LEMD3: variants seen among roughly 807,000 people sequenced by gnomAD.
LEMD3 encodes LEM domain containing 3.
Under a neutral mutation model 95.2 loss-of-function variants are expected in LEMD3, and 33 were observed. The ratio of observed to expected loss-of-function variants is 0.35; its 90% CI spans 0.26 to 0.46. LEMD3 has a LOEUF of 0.46. LEMD3 is among the 20% of genes least tolerant of loss of function. The pLI is 1.00. For missense variants in LEMD3, 1,210 were observed against 1,192.8 expected (o/e 1.01, Z -0.21); for synonymous variants, 525 against 474.6 (o/e 1.11, Z -1.38).
At position 65,243,470 on chromosome 12, in the gene LEMD3, G is replaced by C; in HGVS notation, c.2387+1G>C. 6.5e-7 allele frequency: 1 copy of C among 1,545,668 alleles called. No homozygotes were observed. Reference sequence around the variant, plus strand: ...TTCGGAATATGTTTGATCCCGTTATGTAAGTATTATGATCAGGGGTACATG... The same window carrying C: ...TTCGGAATATGTTTGATCCCGTTATCTAAGTATTATGATCAGGGGTACATG... On this transcript the variant is annotated splice_donor_variant, in intron 10 of 12. Coordinates refer to ENST00000308330, the MANE Select transcript of LEMD3 (RefSeq NM_014319.5). LOFTEE classifies it high-confidence loss of function.
chr12:65,188,827 A>T (rs761845074), intron 1 of LEMD3, among the ~76,000 whole-genome samples: 21 of 152,140 alleles, frequency 1.4e-4, no homozygotes, highest in Non-Finnish European at 2.4e-4. Context: ...CTCTAATTGC[A>T]GTGAGACCAT....
rs1868436421 is a variant in LEMD3 at position 65,169,601 on chromosome 12, C to T, written c.5C>T (p.Ala2Val). ...GTAAAACACCCTGGAGAGAAAATGG[C>T]GGCGGCAGCAGCTTCGGCGCCTCAG... MAAAAASAPQQL... is the reference protein window; with the variant it reads MVAAAASAPQQL... Residue 2 changes from alanine (A) to valine (V), a missense_variant, in exon 1 of 13, where the codon GCG becomes GTG. By Grantham distance (64) the Ala-to-Val change is moderately conservative. This residue lies in a region of LEMD3 where 749 missense variants were observed against 622.9 expected (regional missense o/e 1.20). Coordinates refer to ENST00000308330, the MANE Select transcript of LEMD3 (RefSeq NM_014319.5). 6.3e-7 allele frequency: 1 copy of T among 1,587,530 alleles called. No individual in the cohort carries two copies. Among genetic ancestry groups the T allele is most frequent in the Non-Finnish European group, 8.6e-7 (1 of 1,168,962 alleles).
rs545885129 is a variant in LEMD3 at position 65,222,798 on chromosome 12, A to G, written c.1695+4179A>G. Among the ~76,000 whole-genome samples, 26 of 151,202 alleles carry G rather than the reference A, an allele frequency of 1.7e-4. No individual in the cohort carries two copies. The South Asian group carries it at 4.8e-3, about 28-fold the overall frequency. On this transcript the variant is annotated intron_variant, in intron 4 of 12. Coordinates refer to ENST00000308330, the MANE Select transcript of LEMD3 (RefSeq NM_014319.5). ...TTACCACTGTAAACCTCTCTCTTGTATTGCTTTTACTGCTTCTCATAAATT... is the reference window on the plus strand; with the variant it reads ...TTACCACTGTAAACCTCTCTCTTGTGTTGCTTTTACTGCTTCTCATAAATT...
intron 3 of LEMD3, among the ~76,000 whole-genome samples, chr12:65,217,539 T>C (rs1870146893): frequency 1.3e-5 from 2 of 152,234 alleles, no homozygotes; most frequent in Non-Finnish European, 2.9e-5. Flanking sequence ...GCAAGGATTT[T>C]ACTTTAATTA....
At chr12:65,232,354 GAATA>G (rs1225633823) in intron 4 of LEMD3, among the ~76,000 whole-genome samples, 2 of 152,026 alleles carry the variant, frequency 1.3e-5, no homozygotes, top group Non-Finnish European at 2.9e-5. Flanking sequence ...TTAGATTGAG[GAATA>G]AATAAACCAA....
In LEMD3 at chr12:65,217,715, A is replaced by C. The variant is rs17824413; in HGVS notation, c.1628-837A>C. Among the ~76,000 whole-genome samples, 138 of 152,340 alleles carry C rather than the reference A, an allele frequency of 9.1e-4. No individual in the cohort carries two copies. In the East Asian group the frequency reaches 0.02, roughly 22 times the overall value. On this transcript the variant is annotated intron_variant, in intron 3 of 12. Coordinates refer to ENST00000308330, the MANE Select transcript of LEMD3 (RefSeq NM_014319.5). Reference sequence around the variant, plus strand: ...TATCAACAATTAAAAGAAAAGATAAATGTAGTTTTCCAAAGATTTATATGA... The same window carrying C: ...TATCAACAATTAAAAGAAAAGATAACTGTAGTTTTCCAAAGATTTATATGA...
chr12:65,230,448 GT>G lies in LEMD3; in HGVS notation c.1696-8045del, dbSNP rs555292147. Among the ~76,000 whole-genome samples the G allele has an allele frequency of 3.5e-3, 523 of 150,458 alleles. 2 individuals are homozygous for G. The highest frequency in any genetic ancestry group is 0.011 in the African/African-American group (469 of 41,044). On this transcript the variant is annotated intron_variant, in intron 4 of 12. Transcript: ENST00000308330. ...GGATGTCTTTTTATGGTGTTTTATG[GT>G]TTTTTTTTAGATATCTTTTACCTTC...
At chr12:65,183,316 G>C (rs1868961992) in intron 1 of LEMD3, among the ~76,000 whole-genome samples, 1 of 152,018 alleles carries the variant, frequency 6.6e-6, no homozygotes, top group Non-Finnish European at 1.5e-5. Context: ...TGCATTCATG[G>C]TGTATCTCAA....
chr12:65,239,458 G>C (rs1231082829), intron 6 of LEMD3, among the ~76,000 whole-genome samples: 1 of 152,132 alleles, frequency 6.6e-6, no homozygotes, highest in Non-Finnish European at 1.5e-5. Context: ...TGAGGTAGGA[G>C]GATTTCTTGA....
At chr12:65,191,113 A>G (rs1261303444) in intron 1 of LEMD3, among the ~76,000 whole-genome samples, 1 of 152,012 alleles carries the variant, frequency 6.6e-6, no homozygotes, top group East Asian at 1.9e-4. Flanking sequence ...TTTCTTTAAT[A>G]GTGTTGTGGA....
intron 1 of LEMD3, among the ~76,000 whole-genome samples, chr12:65,194,092 G>T (rs1468796515): frequency 6.6e-6 from 1 of 152,012 alleles, no homozygotes; most frequent in Admixed American, 6.6e-5. Context: ...AAACATTTTG[G>T]GTTAGTTCCA....
At chr12:65,175,581 T>G (rs1197500410) in intron 1 of LEMD3, among the ~76,000 whole-genome samples, 1 of 152,202 alleles carries the variant, frequency 6.6e-6, no homozygotes, top group African/African-American at 2.4e-5. Context: ...ACTTTCTCCT[T>G]TCTAAGCTTC....
At chr12:65,244,057 A>C (rs1245053959) in intron 10 of LEMD3, among the ~76,000 whole-genome samples, 1 of 152,192 alleles carries the variant, frequency 6.6e-6, no homozygotes, top group Non-Finnish European at 1.5e-5. Context: ...TAGTTCTTAG[A>C]ATTAGCTTCC....
chr12:65,225,765 A>T (rs1244799052), intron 4 of LEMD3, among the ~76,000 whole-genome samples: 1 of 152,070 alleles, frequency 6.6e-6, no homozygotes, highest in Non-Finnish European at 1.5e-5. Context: ...TATTTTTAGG[A>T]GAGACGGGGT....
At chr12:65,191,271 T>G (rs996691787) in intron 1 of LEMD3, among the ~76,000 whole-genome samples, 4 of 152,082 alleles carry the variant, frequency 2.6e-5, no homozygotes, top group African/African-American at 9.7e-5. Flanking sequence ...GAGTAAAAAT[T>G]ATCTCTGGAT....
chr12:65,213,785 G>T (rs1237400636), intron 2 of LEMD3, among the ~76,000 whole-genome samples: 1 of 152,034 alleles, frequency 6.6e-6, no homozygotes, highest in African/African-American at 2.4e-5. Context: ...TTCAAATTTT[G>T]TTTTGTTTTT....
chr12:65,244,267 GCACACA>G (rs200532626), intron 10 of LEMD3, among the ~76,000 whole-genome samples: 1 of 142,392 alleles, frequency 7.0e-6, no homozygotes, highest in African/African-American at 2.8e-5. Flanking sequence ...GTGGGCACGC[GCACACA>G]CACACACACA....
rs766696064 is a variant in LEMD3 at position 65,238,486 on chromosome 12, C to G, written c.1696-16C>G. 6 of 1,494,978 alleles carry G rather than the reference C, an allele frequency of 4.0e-6. No homozygotes were observed. The African/African-American group carries it at 5.5e-5, about 14-fold the overall frequency. The allele number at this position is 1,494,978 out of a possible 1,614,324, so 92.6% of individuals were successfully genotyped here. A position where few individuals can be genotyped will look rare whatever the true frequency, so the allele number is the denominator to read the frequency against. ...GTAGATTAAGAATAGTTATTTTTCT[C>G]TATTTTTCTTGTTAGGATTTAGGTC... On this transcript the variant is annotated splice_polypyrimidine_tract_variant and intron_variant, in intron 4 of 12. Transcript: ENST00000308330.
At chr12:65,218,663 T>A (rs768778078) in intron 4 of LEMD3, 44 bp downstream of exon 4, 1 of 1,127,648 alleles carries the variant, frequency 8.9e-7, no homozygotes, top group Admixed American at 1.8e-5. Flanking sequence ...TTTTAAAAAA[T>A]TATATAAATC....
Sources: gnomAD v4.1 joint callset for allele counts (sites outside exome capture counted in the v4.1 genomes callset) on GRCh38, gnomAD v4.1.1 for gene constraint, gnomAD v4.1.1 regional missense constraint, MANE v1.5 for transcripts, NCBI Gene and HGNC (gene_info 2026-07-23, HGNC 2026-07-21) for gene names.